INVS: variants seen among roughly 807,000 people sequenced by gnomAD.
The protein encoded by INVS is inversion of embryo turning homolog.
A neutral mutation model predicts 108.8 loss-of-function variants in INVS; 86 were observed. The observed-to-expected ratio is 0.79, with a 90% CI of 0.66 to 0.95. INVS has a LOEUF of 0.95. Among genes scored for constraint, INVS ranks in the 40% least tolerant of loss-of-function variants. The probability of loss-of-function intolerance (pLI) is 0.00; values close to 1 mark genes in which losing one functional copy is unlikely to be tolerated. For missense variants in INVS, 1,169 were observed against 1,297.4 expected (o/e 0.90, Z 1.52); for synonymous variants, 455 against 473.5 (o/e 0.96, Z 0.51).
chr9:100,265,009 C>A, intron 11 of INVS, 81 bp downstream of exon 11: 1 of 879,590 alleles, frequency 1.1e-6, no homozygotes, highest in Non-Finnish European at 1.9e-6. Flanking sequence ...GTGGCACGAT[C>A]TTGGCTCACT....
intron 11 of INVS, among the ~76,000 whole-genome samples, chr9:100,267,867 A>AT (rs1158419617): frequency 4.6e-5 from 7 of 152,196 alleles, no homozygotes; most frequent in Non-Finnish European, 7.4e-5. Context: ...ACAAAAATAT[A>AT]TTTTTTGAGA....
intron 3 of INVS, among the ~76,000 whole-genome samples, chr9:100,168,819 T>C (rs1334308019): frequency 1.3e-5 from 2 of 152,214 alleles, no homozygotes; most frequent in Non-Finnish European, 2.9e-5. Flanking sequence ...AGATAATAAA[T>C]CTATGGAACT....
rs752609119 is a variant in INVS at position 100,292,700 on chromosome 9, C to CG, written c.2449dup (p.Glu817GlyfsTer44). On this transcript the variant is annotated frameshift_variant, in exon 14 of 17. Coordinates refer to ENST00000262457, the MANE Select transcript of INVS (RefSeq NM_014425.5). LOFTEE classifies it high-confidence loss of function. Reference sequence around the variant, plus strand: ...TGGTTCTAGCCGCCCTGGCAGTGCCCGGGGGGAGGCGGTCCATGCTGGGCA... The same window carrying CG: ...TGGTTCTAGCCGCCCTGGCAGTGCCCGGGGGGGAGGCGGTCCATGCTGGGCA... 1 of 1,614,052 alleles carries CG rather than the reference C, an allele frequency of 6.2e-7. No individual in the cohort carries two copies.
chr9:100,113,315 C>T (rs1360773794), intron 2 of INVS, among the ~76,000 whole-genome samples: 3 of 152,142 alleles, frequency 2.0e-5, no homozygotes, highest in African/African-American at 7.2e-5. Flanking sequence ...CAAAAAAGTT[C>T]TGAAAAAGAA....
Position 100,300,726 on chromosome 9 carries a change from G to A in INVS, c.*52G>A. 7.8e-7 allele frequency: 1 copy of A among 1,274,324 alleles called. No individual in the cohort carries two copies. Among genetic ancestry groups the A allele is most frequent in the Non-Finnish European group, 1.1e-6 (1 of 877,156 alleles). The allele number at this position is 1,274,324 out of a possible 1,614,324, so 78.9% of individuals were successfully genotyped here. ...GGGGAGCTGGCATAGCTAGTGCAGAGTTCAGATTTTCTGCTGATAATCTTT... is the reference window on the plus strand; with the variant it reads ...GGGGAGCTGGCATAGCTAGTGCAGAATTCAGATTTTCTGCTGATAATCTTT... On this transcript the variant is annotated 3_prime_UTR_variant, in exon 17 of 17. Coordinates refer to ENST00000262457, the MANE Select transcript of INVS (RefSeq NM_014425.5).
At chr9:100,272,832 TA>T (rs539700665) in intron 11 of INVS, 31 bp from the exon 12 acceptor site, 4,651 of 1,404,200 alleles carry the variant, frequency 3.3e-3, no homozygotes, top group Non-Finnish European at 3.9e-3. Context: ...ATTCTAAAAT[TA>T]AAAAAAAAAG....
intron 13 of INVS, among the ~76,000 whole-genome samples, chr9:100,289,264 C>G (rs1458753657): frequency 6.6e-6 from 1 of 152,210 alleles, no homozygotes; most frequent in African/African-American, 2.4e-5. Context: ...ACAAGGTTCA[C>G]TTCTCTCTAG....
chr9:100,266,973 C>T (rs1437211158), intron 11 of INVS, among the ~76,000 whole-genome samples: 1 of 135,370 alleles, frequency 7.4e-6, no homozygotes, highest in Admixed American at 8.1e-5. Context: ...CTTTCAGAAA[C>T]TTCCCTCATT....
chr9:100,232,079 T>A (rs1367287490), intron 5 of INVS, among the ~76,000 whole-genome samples: 1 of 152,228 alleles, frequency 6.6e-6, no homozygotes, highest in Non-Finnish European at 1.5e-5. Context: ...CTCATTGTGG[T>A]TTTGATTTTC....
At chr9:100,148,973 G>T (rs777654666) in intron 3 of INVS, among the ~76,000 whole-genome samples, 22 of 151,810 alleles carry the variant, frequency 1.4e-4, no homozygotes, top group Non-Finnish European at 2.9e-4. Flanking sequence ...GAAGGTAACA[G>T]ACTGCCATGT....
At chr9:100,167,171 C>T (rs1829389746) in intron 3 of INVS, among the ~76,000 whole-genome samples, 2 of 151,614 alleles carry the variant, frequency 1.3e-5, no homozygotes, top group African/African-American at 4.9e-5. Flanking sequence ...TTGGAGTTTG[C>T]AGTGAGCCAA....
At chr9:100,125,105 T>TGA (rs1179564504) in intron 2 of INVS, among the ~76,000 whole-genome samples, 1 of 152,246 alleles carries the variant, frequency 6.6e-6, no homozygotes, top group African/African-American at 2.4e-5. Flanking sequence ...AAAAGTGTCC[T>TGA]GACTTTTTGT....
intron 3 of INVS, among the ~76,000 whole-genome samples, chr9:100,140,500 G>C (rs188107974): frequency 6.6e-6 from 1 of 152,292 alleles, no homozygotes; most frequent in East Asian, 1.9e-4. Flanking sequence ...GTGGTGGAAT[G>C]TCATCAGTTA....
chr9:100,252,367 T>C lies in INVS; in HGVS notation c.1163T>C (p.Val388Ala). ...AATGCTCAAGTAGATGCTACTGATGTTATGAAACATACTCCACTTTTCCGA... is the reference window on the plus strand; with the variant it reads ...AATGCTCAAGTAGATGCTACTGATGCTATGAAACATACTCCACTTTTCCGA... ...ENNAQVDATD[V>A]MKHTPLFRAC... The change falls in exon 9 of 17, where the codon GTT becomes GCT. Residue 388 changes from valine (V) to alanine (A), a missense_variant. By Grantham distance (64) the Val-to-Ala change is moderately conservative. Transcript: ENST00000262457. 5 of 1,614,014 alleles carry C rather than the reference T, an allele frequency of 3.1e-6. No individual in the cohort carries two copies. The highest frequency in any genetic ancestry group is 4.2e-6 in the Non-Finnish European group (5 of 1,179,868).
chr9:100,103,747 C>T (rs995892029), intron 1 of INVS, among the ~76,000 whole-genome samples: 3 of 151,556 alleles, frequency 2.0e-5, no homozygotes, highest in Admixed American at 2.0e-4. Flanking sequence ...AATGAGCTCT[C>T]GCTATATTGC....
chr9:100,252,159 C>A, intron 8 of INVS, 124 bp from the exon 9 acceptor site: 2 of 1,112,580 alleles, frequency 1.8e-6, no homozygotes, highest in East Asian at 2.4e-5. Context: ...ATTAGTGAAT[C>A]CTTAAAATGG....
At chr9:100,233,489 T>C (rs1831579226) in intron 5 of INVS, among the ~76,000 whole-genome samples, 1 of 152,232 alleles carries the variant, frequency 6.6e-6, no homozygotes, top group African/African-American at 2.4e-5. Context: ...CAATTCATTA[T>C]GATATTGGCT....
chr9:100,254,832 G>C (rs565315018), intron 10 of INVS, among the ~76,000 whole-genome samples: 7 of 152,276 alleles, frequency 4.6e-5, no homozygotes, highest in African/African-American at 1.7e-4. Context: ...TTATAGTACA[G>C]TTTGAAGTCA....
At chr9:100,126,321 G>T (rs1052316083) in intron 2 of INVS, 62 bp from the exon 3 acceptor site, 13 of 1,308,272 alleles carry the variant, frequency 9.9e-6, no homozygotes, top group East Asian at 9.7e-5. Flanking sequence ...AGCGAATATA[G>T]TTCCTACTTA....
Sources: gnomAD v4.1 joint callset for allele counts (sites outside exome capture counted in the v4.1 genomes callset) on GRCh38, gnomAD v4.1.1 for gene constraint, MANE v1.5 for transcripts, NCBI Gene and HGNC (gene_info 2026-07-23, HGNC 2026-07-21) for gene names.